Variants in NRG1 observed in about 807,000 individuals in gnomAD.
NRG1 encodes neuregulin 1.
NRG1 carries 18 observed loss-of-function variants against 63.8 expected under a neutral mutation model. The observed-to-expected ratio is 0.28, with a 90% CI of 0.19 to 0.42. The LOEUF is 0.42. Ranked by LOEUF, NRG1 falls within the 10% of genes least tolerant of loss-of-function variation. The pLI is 1.00. For synonymous variants in NRG1, 302 were observed against 301.3 expected (o/e 1.00, Z -0.02); for missense variants, 762 against 814.7 (o/e 0.94, Z 0.79).
At chr8:32,168,586 G>C (rs1011017092) in intron 1 of NRG1, among the ~76,000 whole-genome samples, 1 of 152,126 alleles carries the variant, frequency 6.6e-6, no homozygotes, top group South Asian at 2.1e-4. Context: ...GTGACTGGGG[G>C]GCCTTCTACA....
At chr8:32,123,383 C>G (rs1382120707) in intron 1 of NRG1, among the ~76,000 whole-genome samples, 2 of 151,804 alleles carry the variant, frequency 1.3e-5, no homozygotes, top group African/African-American at 4.8e-5. Flanking sequence ...CACAAGTTCT[C>G]TCTTGCCTGC....
intron 5 of NRG1, among the ~76,000 whole-genome samples, chr8:32,660,080 C>G (rs1397236282): frequency 6.6e-6 from 1 of 152,142 alleles, no homozygotes; most frequent in Non-Finnish European, 1.5e-5. Flanking sequence ...TGTATAGTAC[C>G]AAACAGTGTA....
At chr8:31,825,319 C>T (rs1003200446) in intron 1 of NRG1, among the ~76,000 whole-genome samples, 6 of 151,574 alleles carry the variant, frequency 4.0e-5, no homozygotes, top group Admixed American at 2.0e-4. Flanking sequence ...ACCCGGGAGG[C>T]GCAGCTTGCA....
chr8:31,773,417 A>G (rs1057493018), intron 1 of NRG1, among the ~76,000 whole-genome samples: 2 of 152,202 alleles, frequency 1.3e-5, no homozygotes, highest in Non-Finnish European at 1.5e-5. Context: ...ATCAAGGACT[A>G]CCGTAATTTC....
chr8:31,969,834 C>A lies in NRG1; in HGVS notation c.37+330403C>A, dbSNP rs189502760. Reference sequence around the variant, plus strand: ...CTGCCAGCTTTTTGAAGTATGTGTGCTCTGGGCAGGGGTGGGGACAGGAAG... The same window carrying A: ...CTGCCAGCTTTTTGAAGTATGTGTGATCTGGGCAGGGGTGGGGACAGGAAG... On this transcript the variant is annotated intron_variant, in intron 1 of 10. Transcript: ENST00000519301. 6.1e-4 allele frequency among the ~76,000 whole-genome samples: 93 copies of A among 152,196 alleles called. 1 individual carries two copies. The East Asian group carries it at 0.017, about 28-fold the overall frequency.
intron 1 of NRG1, among the ~76,000 whole-genome samples, chr8:31,857,184 G>A (rs1344207809): frequency 6.6e-6 from 1 of 152,222 alleles, no homozygotes; most frequent in Middle Eastern, 3.2e-3. Context: ...AAGCAAGCCT[G>A]GGCAATGGCG....
chr8:31,957,190 G>GTTTTTTTTTTTTTTTTT (rs5890609), intron 1 of NRG1, among the ~76,000 whole-genome samples: 1 of 147,936 alleles, frequency 6.8e-6, no homozygotes, highest in Non-Finnish European at 1.5e-5. Context: ...AAATCAAAGA[G>GTTTTTTTTTTTTTTTTT]TTTTTTTTTT....
intron 1 of NRG1, among the ~76,000 whole-genome samples, chr8:32,488,810 G>A (rs972910243): frequency 2.6e-5 from 4 of 152,182 alleles, no homozygotes; most frequent in African/African-American, 9.7e-5. Context: ...ATCTAGATCA[G>A]AGTGACACCT....
At chr8:31,662,862 G>T (rs1806138464) in intron 1 of NRG1, among the ~76,000 whole-genome samples, 1 of 151,990 alleles carries the variant, frequency 6.6e-6, no homozygotes, top group South Asian at 2.1e-4. Context: ...GAATTTTTTG[G>T]GTTCCTCTTC....
chr8:31,851,535 C>T (rs1020781582), intron 1 of NRG1, among the ~76,000 whole-genome samples: 2 of 152,090 alleles, frequency 1.3e-5, no homozygotes, highest in African/African-American at 4.8e-5. Context: ...TAGGTGAGTG[C>T]AAAAGTAATT....
At chr8:31,750,900 A>T (rs1364003608) in intron 1 of NRG1, among the ~76,000 whole-genome samples, 1 of 151,916 alleles carries the variant, frequency 6.6e-6, no homozygotes, top group Non-Finnish European at 1.5e-5. Flanking sequence ...TTTTGGAGCA[A>T]TTTGAAAATA....
chr8:32,506,506 C>A (rs1385388254), intron 1 of NRG1, among the ~76,000 whole-genome samples: 3 of 152,098 alleles, frequency 2.0e-5, no homozygotes, highest in Non-Finnish European at 2.9e-5. Context: ...ACACAAAAGA[C>A]AGAGACAAAG....
chr8:31,998,711 G>A (rs1483630342), intron 1 of NRG1, among the ~76,000 whole-genome samples: 1 of 151,968 alleles, frequency 6.6e-6, no homozygotes, highest in Non-Finnish European at 1.5e-5. Context: ...TTGAAGAAAG[G>A]TTCTCCTGGG....
rs182076839 is a variant in NRG1 at position 32,129,124 on chromosome 8, A to C, written c.38-466704A>C. 2.0e-4 allele frequency among the ~76,000 whole-genome samples: 31 copies of C among 152,086 alleles called. 1 individual carries two copies. The highest frequency in any genetic ancestry group is 2.0e-3 in the Admixed American group (30 of 15,254). Reference sequence around the variant, plus strand: ...ATAAGAGCACAGTCATAATCTGTATAACTCAGTGTTGTAACTCTGGCAGCT... The same window carrying C: ...ATAAGAGCACAGTCATAATCTGTATCACTCAGTGTTGTAACTCTGGCAGCT... On this transcript the variant is annotated intron_variant, in intron 1 of 10. Transcript: ENST00000519301.
intron 1 of NRG1, among the ~76,000 whole-genome samples, chr8:31,713,341 C>T (rs902485730): frequency 2.6e-5 from 4 of 151,992 alleles, no homozygotes; most frequent in African/African-American, 9.7e-5. Flanking sequence ...TGGTCTCGAT[C>T]TCCTGACCTC....
intron 1 of NRG1, among the ~76,000 whole-genome samples, chr8:32,502,245 G>A (rs1334180437): frequency 6.6e-6 from 1 of 151,534 alleles, no homozygotes; most frequent in Non-Finnish European, 1.5e-5. Context: ...AGAGGGTAAG[G>A]GGTCAGGTGC....
chr8:31,789,940 C>G, intron 1 of NRG1, among the ~76,000 whole-genome samples: 1 of 152,092 alleles, frequency 6.6e-6, no homozygotes, highest in South Asian at 2.1e-4. Context: ...TTATGGCATA[C>G]TATGATCTTT....
At chr8:31,747,199 A>G (rs1420350211) in intron 1 of NRG1, among the ~76,000 whole-genome samples, 3 of 151,984 alleles carry the variant, frequency 2.0e-5, no homozygotes, top group African/African-American at 7.2e-5. Flanking sequence ...CACAGGATAA[A>G]TGCTTGAGGG....
At chr8:32,150,325 A>C (rs1049200417) in intron 1 of NRG1, among the ~76,000 whole-genome samples, 1 of 152,200 alleles carries the variant, frequency 6.6e-6, no homozygotes, top group African/African-American at 2.4e-5. Flanking sequence ...CTGGTGCTAA[A>C]TTGTCTGAAC....
Sources: gnomAD v4.1 joint callset for allele counts (sites outside exome capture counted in the v4.1 genomes callset) on GRCh38, gnomAD v4.1.1 for gene constraint, MANE v1.5 for transcripts, NCBI Gene and HGNC (gene_info 2026-07-23, HGNC 2026-07-21) for gene names.